Variants in AGK observed in about 807,000 individuals in gnomAD.
The protein encoded by AGK is acylglycerol kinase, mitochondrial.
A neutral mutation model predicts 66.4 loss-of-function variants in AGK; 52 were observed. That is an observed-to-expected ratio of 0.78 (90% confidence interval 0.63 to 0.99). The LOEUF is 0.99. Among genes scored for constraint, AGK ranks in the 50% least tolerant of loss-of-function variants. The pLI, the probability that AGK is intolerant of heterozygous loss-of-function variation, is 0.00. For missense variants in AGK, 451 were observed against 506.6 expected, an observed-to-expected ratio of 0.89 and a Z score of 1.05; for synonymous variants, 182 against 181.1, an observed-to-expected ratio of 1.00 and a Z score of -0.04.
At chr7:141,630,872 C>G (rs1006743688) in intron 9 of AGK, among the ~76,000 whole-genome samples, 2 of 152,138 alleles carry the variant, frequency 1.3e-5, no homozygotes, top group African/African-American at 4.8e-5. Flanking sequence ...AAAGACTAGA[C>G]GTTTAGCTTG....
intron 5 of AGK, among the ~76,000 whole-genome samples, chr7:141,604,374 GTATATATA>G (rs368893843): frequency 2.2e-3 from 245 of 113,804 alleles, no homozygotes; most frequent in African/African-American, 7.0e-3. Flanking sequence ...GTGTGTGTGT[GTATATATA>G]TATATATATA....
chr7:141,584,147 G>A (rs987234812), intron 2 of AGK, among the ~76,000 whole-genome samples: 24 of 152,202 alleles, frequency 1.6e-4, no homozygotes, highest in South Asian at 1.2e-3. Flanking sequence ...GAGAGTCAGC[G>A]AAGGGAGATA....
chr7:141,560,798 T>TC (rs201373057), intron 2 of AGK, among the ~76,000 whole-genome samples: 12 of 147,456 alleles, frequency 8.1e-5, no homozygotes, highest in East Asian at 2.0e-4. Flanking sequence ...ATTCTTTCTT[T>TC]TTTTTTTTTT....
At chr7:141,629,866 C>G (rs1229214322) in intron 9 of AGK, among the ~76,000 whole-genome samples, 1 of 152,040 alleles carries the variant, frequency 6.6e-6, no homozygotes, top group Non-Finnish European at 1.5e-5. Flanking sequence ...CTTGCCTACA[C>G]TACATGCTTT....
At chr7:141,630,747 T>G (rs936425985) in intron 9 of AGK, among the ~76,000 whole-genome samples, 1 of 152,124 alleles carries the variant, frequency 6.6e-6, no homozygotes, top group Admixed American at 6.5e-5. Flanking sequence ...GGGATTTAAT[T>G]TAGACAATTT....
intron 5 of AGK, 130 bp downstream of exon 5, chr7:141,601,410 A>T: frequency 1.6e-6 from 1 of 632,660 alleles, no homozygotes. Flanking sequence ...TGTTCTGACA[A>T]TTAATAAATG....
At chr7:141,604,692 TC>T (rs1796420564) in intron 5 of AGK, among the ~76,000 whole-genome samples, 1 of 150,192 alleles carries the variant, frequency 6.7e-6, no homozygotes, top group Non-Finnish European at 1.5e-5. Context: ...CAAGCGATTC[TC>T]CTGCCTCAGC....
At position 141,653,747 on chromosome 7, in the gene AGK, T is replaced by C. The variant is rs144618318; in HGVS notation, c.*823T>C. Reference sequence around the variant, plus strand: ...GTGCCCCCAAAAGTATTTTGAAAAATCATGTATACCCTCACCCATCTAAGT... The same window carrying C: ...GTGCCCCCAAAAGTATTTTGAAAAACCATGTATACCCTCACCCATCTAAGT... On this transcript the variant is annotated 3_prime_UTR_variant, in exon 16 of 16. Transcript: ENST00000649286. 6.6e-6 allele frequency: 1 copy of C among 152,292 alleles called. No individual in the cohort carries two copies. Among genetic ancestry groups the C allele is most frequent in the East Asian group, 1.9e-4 (1 of 5,190 alleles). 9.4% of individuals were successfully genotyped at this position (152,292 alleles called of 1,614,324 possible).
chr7:141,583,466 G>T (rs1331346348), intron 2 of AGK, among the ~76,000 whole-genome samples: 1 of 148,876 alleles, frequency 6.7e-6, no homozygotes, highest in Non-Finnish European at 1.5e-5. Flanking sequence ...GAAAAGAGAG[G>T]GTAGAGACAC....
chr7:141,565,516 T>C (rs1795448799), intron 2 of AGK, among the ~76,000 whole-genome samples: 1 of 151,904 alleles, frequency 6.6e-6, no homozygotes, highest in Non-Finnish European at 1.5e-5. Context: ...CTGGGTGTGG[T>C]GGCGCATGCC....
chr7:141,592,819 C>T (rs1199409579), intron 2 of AGK, among the ~76,000 whole-genome samples: 3 of 151,834 alleles, frequency 2.0e-5, no homozygotes, highest in Non-Finnish European at 4.4e-5. Flanking sequence ...TTCTCCTGCC[C>T]CAGTCTCCCG....
intron 4 of AGK, chr7:141,596,898 C>G (rs1295356750): frequency 2.2e-6 from 1 of 444,746 alleles, no homozygotes; most frequent in African/African-American, 2.0e-5. Context: ...GTCTTATTTG[C>G]TTGGAAGTAG....
At chr7:141,642,930 C>G (rs1797322465) in intron 13 of AGK, among the ~76,000 whole-genome samples, 1 of 152,066 alleles carries the variant, frequency 6.6e-6, no homozygotes, top group Non-Finnish European at 1.5e-5. Context: ...TAGAGAAAAC[C>G]TTGGTAATTT....
At chr7:141,632,787 C>G (rs766910868) in intron 9 of AGK, among the ~76,000 whole-genome samples, 45 of 152,332 alleles carry the variant, frequency 3.0e-4, no homozygotes, top group Middle Eastern at 3.4e-3. Flanking sequence ...AGTGAAGATT[C>G]AAGTCTACTG....
At chr7:141,625,489 A>G (rs1462363163) in intron 9 of AGK, among the ~76,000 whole-genome samples, 1 of 152,144 alleles carries the variant, frequency 6.6e-6, no homozygotes, top group African/African-American at 2.4e-5. Flanking sequence ...AGCTGGGACT[A>G]TAGGCCCATA....
chr7:141,636,958 AGGTACT>A lies in AGK; in HGVS notation c.672_677del (p.Trp225_Tyr226del). On this transcript the variant is annotated splice_acceptor_variant and coding_sequence_variant, in exon 11 of 16. Coordinates refer to ENST00000649286, the MANE Select transcript of AGK (RefSeq NM_018238.4). LOFTEE classifies it high-confidence loss of function. Reference sequence around the variant, plus strand: ...CAGATTTTTATCTTGGTCTTTTCACAGGTACTGGTATCTTGGGCCTCTAAAAATCAA... The same window carrying A: ...CAGATTTTTATCTTGGTCTTTTCACAGGTATCTTGGGCCTCTAAAAATCAA... 1 of 1,611,158 alleles carries A rather than the reference AGGTACT, an allele frequency of 6.2e-7. No homozygotes were observed. The highest frequency in any genetic ancestry group is 8.5e-7 in the Non-Finnish European group (1 of 1,178,240).
intron 2 of AGK, among the ~76,000 whole-genome samples, chr7:141,566,534 C>T (rs1393211674): frequency 6.6e-6 from 1 of 152,216 alleles, no homozygotes; most frequent in African/African-American, 2.4e-5. Context: ...TCATAGGTTA[C>T]TCTTTCAATT....
Position 141,592,692 on chromosome 7 carries a change from TTTTTTTTG to T in AGK, c.102-439_102-432del, listed in dbSNP as rs777082749. The stretch of plus-strand genomic sequence containing the variant: ...AATGTGATGATAAGTTGTTATCAGG[TTTTTTTTG>T]TTTTTTTGTTTTTTGTTTTTTTCAG... On this transcript the variant is annotated intron_variant, in intron 2 of 15. Coordinates refer to ENST00000649286, the MANE Select transcript of AGK (RefSeq NM_018238.4). 7.7e-4 allele frequency among the ~76,000 whole-genome samples: 117 copies of T among 152,036 alleles called. 1 individual carries two copies. Among genetic ancestry groups the T allele is most frequent in the Non-Finnish European group, 1.1e-3 (74 of 67,948 alleles).
At chr7:141,633,502 T>G (rs1797102644) in intron 9 of AGK, among the ~76,000 whole-genome samples, 1 of 152,188 alleles carries the variant, frequency 6.6e-6, no homozygotes, top group Middle Eastern at 3.2e-3. Context: ...TGATCTGACT[T>G]GAGAGCTCTT....
Sources: allele counts gnomAD v4.1 joint callset (sites outside exome capture counted in the v4.1 genomes callset), GRCh38; gene constraint gnomAD v4.1.1; transcripts MANE v1.5; gene names NCBI Gene and HGNC (gene_info 2026-07-23, HGNC 2026-07-21).